The following LTBP2 variants were observed in gnomAD, a reference collection of about 807,000 sequenced individuals.
The protein encoded by LTBP2 is latent transforming growth factor beta binding protein 2.
LTBP2 carries 103 observed loss-of-function variants against 210.6 expected under a neutral mutation model. That is an observed-to-expected ratio of 0.49 (90% CI 0.42 to 0.58). The LOEUF is 0.58. Ranked by LOEUF, LTBP2 falls within the 20% of genes least tolerant of loss-of-function variation. The pLI is 0.00. For synonymous variants in LTBP2, 1,007 were observed against 1,015.0 expected (o/e 0.99, Z 0.15); for missense variants, 2,313 against 2,494.5 (o/e 0.93, Z 1.55).
intron 1 of LTBP2, among the ~76,000 whole-genome samples, chr14:74,609,823 C>T (rs990637144): frequency 6.6e-6 from 1 of 152,250 alleles, no homozygotes; most frequent in Non-Finnish European, 1.5e-5. Flanking sequence ...GTTGCTCTCC[C>T]AGCAGGAACA....
At chr14:74,570,419 A>G (rs750711293) in intron 3 of LTBP2, among the ~76,000 whole-genome samples, 5 of 152,212 alleles carry the variant, frequency 3.3e-5, no homozygotes, top group Admixed American at 6.5e-5. Flanking sequence ...TAAGGCAGCT[A>G]GGGACCTGGG....
At chr14:74,574,126 A>C (rs1286308947) in intron 3 of LTBP2, among the ~76,000 whole-genome samples, 1 of 152,142 alleles carries the variant, frequency 6.6e-6, no homozygotes, top group Non-Finnish European at 1.5e-5. Context: ...ACAGTCCTAA[A>C]TGTTACTTTA....
At position 74,500,498 on chromosome 14, in the gene LTBP2, G is replaced by A. The variant is rs1239334697; in HGVS notation, c.*386C>T. Reference sequence around the variant, plus strand: ...TAGCCTCTGTCCCAGTTGTGGGATCGTCAGGATGATGGTGGATTGTGGCTG... The same window carrying A: ...TAGCCTCTGTCCCAGTTGTGGGATCATCAGGATGATGGTGGATTGTGGCTG... On this transcript the variant is annotated 3_prime_UTR_variant, in exon 36 of 36. Transcript: ENST00000261978. The A allele has an allele frequency of 1.4e-5, 6 of 428,504 alleles. No homozygotes were observed. Among genetic ancestry groups the A allele is most frequent in the Admixed American group, 3.6e-5 (1 of 28,096 alleles). The allele number at this position is 428,504 out of a possible 1,614,324, so 26.5% of individuals were successfully genotyped here.
chr14:74,506,850 A>AGGGG lies in LTBP2; in HGVS notation c.3908-28_3908-27insCCCC, dbSNP rs1247518974. The AGGGG allele has an allele frequency of 9.4e-6, 15 of 1,600,522 alleles. No individual in the cohort carries two copies. In the African/African-American group the frequency reaches 2.2e-4, roughly 23 times the overall value. ...TGTGGGACAGTGGGAACCAGGATAG[A>AGGGG]GGATGTGTGTGTGTGTGTGTGTGTG... is the stretch of plus-strand genomic sequence containing the variant. On this transcript the variant is annotated intron_variant, in intron 26 of 35. Coordinates refer to ENST00000261978, the MANE Select transcript of LTBP2 (RefSeq NM_000428.3).
Position 74,505,056 on chromosome 14 carries a change from T to C in LTBP2, c.4296A>G (p.Thr1432=), listed in dbSNP as rs1241263925. Reference sequence around the variant, plus strand: ...CCTGGGTGCAGCAGCATTCAGCCTGTGTGGTGTTCCGGCCCAGGACACTGG... The same window carrying C: ...CCTGGGTGCAGCAGCATTCAGCCTGCGTGGTGTTCCGGCCCAGGACACTGG... ...PCSSVLGRNT[T]QAECCCTQGA... is the part of the protein sequence containing the mutation. Residue 1432 remains threonine (T), a synonymous_variant, in exon 29 of 36, where the codon ACA becomes ACG. Coordinates refer to ENST00000261978, the MANE Select transcript of LTBP2 (RefSeq NM_000428.3). 19 of 1,613,958 alleles carry C rather than the reference T, an allele frequency of 1.2e-5. No individual in the cohort carries two copies. Among genetic ancestry groups the C allele is most frequent in the Non-Finnish European group, 1.4e-5 (17 of 1,180,006 alleles).
At position 74,529,104 on chromosome 14, in the gene LTBP2, A is replaced by G; in HGVS notation, c.2006T>C (p.Met669Thr). ...SRCVSDKAIS[M>T]LQGLCYRSLG... ...CGACCGGTAGCACAGTCCCTGCAGC[A>G]TGGAGATTGCCTTGTCCGCTGCAAC... The change falls in exon 11 of 36, where the codon ATG (methionine) becomes ACG (threonine). Residue 669 changes from methionine (M) to threonine (T), a missense_variant. Physicochemically the swap from Met to Thr is moderately conservative, Grantham distance 81. This residue lies in a region of LTBP2 where 1,867 missense variants were observed against 1,976.9 expected (regional missense o/e 0.94). Transcript: ENST00000261978. The G allele has an allele frequency of 6.4e-7, 1 of 1,552,258 alleles. No homozygotes were observed. Among genetic ancestry groups the G allele is most frequent in the Admixed American group, 2.0e-5 (1 of 51,102 alleles).
In LTBP2 at chr14:74,586,862, G is replaced by A. The variant is rs2088212654; in HGVS notation, c.566-744C>T. On this transcript the variant is annotated intron_variant, in intron 2 of 35. Coordinates refer to ENST00000261978, the MANE Select transcript of LTBP2 (RefSeq NM_000428.3). The surrounding 1 kb of genome is among the most constrained non-coding windows in gnomAD (Gnocchi z 4.6). Reference sequence around the variant, plus strand: ...TATAGCTGCCGGCACCACAGCCGCTGCCGGCCAGGTAAGTGCCCCGCTCTG... The same window carrying A: ...TATAGCTGCCGGCACCACAGCCGCTACCGGCCAGGTAAGTGCCCCGCTCTG... 6.6e-6 allele frequency among the ~76,000 whole-genome samples: 1 copy of A among 152,196 alleles called. No individual in the cohort carries two copies. The highest frequency in any genetic ancestry group is 2.1e-4 in the South Asian group (1 of 4,834).
At chr14:74,606,039 G>A (rs2088522084) in intron 1 of LTBP2, among the ~76,000 whole-genome samples, 1 of 152,268 alleles carries the variant, frequency 6.6e-6, no homozygotes, top group East Asian at 1.9e-4. Context: ...CTAGCAGAGA[G>A]AGCAAATGAG....
chr14:74,603,772 C>A, intron 1 of LTBP2, 67 bp from the exon 2 acceptor site: 1 of 1,335,064 alleles, frequency 7.5e-7, no homozygotes, highest in Non-Finnish European at 1.1e-6. Context: ...ACAGCCCCTC[C>A]GACAGTCCCA....
intron 3 of LTBP2, among the ~76,000 whole-genome samples, chr14:74,575,723 C>T (rs1489910291): frequency 6.6e-6 from 1 of 152,212 alleles, no homozygotes. Flanking sequence ...TAGAACCTAC[C>T]CTCTGCAACA....
At chr14:74,531,683 G>A (rs1330377600) in intron 10 of LTBP2, among the ~76,000 whole-genome samples, 2 of 152,248 alleles carry the variant, frequency 1.3e-5, no homozygotes, top group Non-Finnish European at 2.9e-5. Flanking sequence ...GCTCTGCTGA[G>A]CTGGGCGTGG....
chr14:74,537,064 T>C (rs2087430679), intron 8 of LTBP2, among the ~76,000 whole-genome samples: 1 of 152,084 alleles, frequency 6.6e-6, no homozygotes, highest in African/African-American at 2.4e-5. Context: ...CACAGATGTC[T>C]GATTGCAGAT....
intron 32 of LTBP2, 22 bp from the exon 33 acceptor site, chr14:74,503,408 G>A (rs750999771): frequency 6.2e-7 from 1 of 1,610,768 alleles, no homozygotes; most frequent in Non-Finnish European, 8.5e-7. Context: ...GGGCACGGAG[G>A]CACATGAGCC....
Position 74,500,493 on chromosome 14 carries a change from G to C in LTBP2, c.*391C>G, listed in dbSNP as rs535631766. Reference sequence around the variant, plus strand: ...AGATGTAGCCTCTGTCCCAGTTGTGGGATCGTCAGGATGATGGTGGATTGT... The same window carrying C: ...AGATGTAGCCTCTGTCCCAGTTGTGCGATCGTCAGGATGATGGTGGATTGT... On this transcript the variant is annotated 3_prime_UTR_variant, in exon 36 of 36. Transcript: ENST00000261978. The C allele has an allele frequency of 2.3e-6, 1 of 427,494 alleles. No individual in the cohort carries two copies. The highest frequency in any genetic ancestry group is 4.1e-5 in the East Asian group (1 of 24,594). 26.5% of individuals were successfully genotyped at this position (427,494 alleles called of 1,614,324 possible). A position where few individuals can be genotyped will look rare whatever the true frequency, so the allele number is the denominator to read the frequency against.
rs761280119 is a variant in LTBP2, at chr14:74,506,131, T to C, written c.4094A>G (p.Glu1365Gly). 2 of 1,614,176 alleles carry C rather than the reference T, an allele frequency of 1.2e-6. No homozygotes were observed. The highest frequency in any genetic ancestry group is 1.7e-6 in the Non-Finnish European group (2 of 1,180,028). ...VCGAALCENV[E>G]GSFLCLCASD... ...GGCACAGAGGCACAGGAAGGAGCCC[T>C]CCACGTTCTCACAGAGCGCGGCCCC... Residue 1365 changes from glutamate to glycine, a missense_variant, in exon 28 of 36, where the codon GAG becomes GGG. Glu to Gly is a moderately conservative substitution (Grantham distance 98). Transcript: ENST00000261978.
In LTBP2 at chr14:74,552,555, AGAGTGAAG is replaced by A. The variant is rs566624632; in HGVS notation, c.1193-170_1193-163del. ...TAGGGACTTTCCACTTCATTCATGT[AGAGTGAAG>A]AAGAGTGGATAATAACCAGCCCCTG... On this transcript the variant is annotated intron_variant, in intron 5 of 35. Coordinates refer to ENST00000261978, the MANE Select transcript of LTBP2 (RefSeq NM_000428.3). 1.7e-3 allele frequency: 1,228 copies of A among 717,120 alleles called. 1 individual carries two copies. The highest frequency in any genetic ancestry group is 2.5e-3 in the Non-Finnish European group (1,045 of 410,972). The allele number at this position is 717,120 out of a possible 1,614,324, so 44.4% of individuals were successfully genotyped here. A position where few individuals can be genotyped will look rare whatever the true frequency, so the allele number is the denominator to read the frequency against.
intron 18 of LTBP2, among the ~76,000 whole-genome samples, chr14:74,515,126 G>T (rs1005222065): frequency 6.6e-6 from 1 of 152,108 alleles, no homozygotes; most frequent in African/African-American, 2.4e-5. Context: ...TAGCTTATCC[G>T]GTGCTCACAA....
At chr14:74,561,295 G>C (rs1454218209) in intron 3 of LTBP2, among the ~76,000 whole-genome samples, 4 of 152,102 alleles carry the variant, frequency 2.6e-5, no homozygotes, top group Non-Finnish European at 5.9e-5. Flanking sequence ...TCCAGCCTGG[G>C]TGACAGAGCA....
intron 8 of LTBP2, among the ~76,000 whole-genome samples, chr14:74,545,353 G>A (rs1283782891): frequency 1.3e-5 from 2 of 152,202 alleles, no homozygotes; most frequent in African/African-American, 4.8e-5. Context: ...AACATGTGAA[G>A]GGCCCAGTGT....
Sources: gnomAD v4.1 joint callset for allele counts (sites outside exome capture counted in the v4.1 genomes callset) on GRCh38, gnomAD v4.1.1 for gene constraint, gnomAD v4.1.1 regional missense constraint, Gnocchi (gnomAD v3.1) non-coding constraint, MANE v1.5 for transcripts, NCBI Gene and HGNC (gene_info 2026-07-23, HGNC 2026-07-21) for gene names.